Variants in SNX24 observed in about 807,000 individuals in gnomAD.
SNX24 encodes sorting nexin-24.
A neutral mutation model predicts 28.7 loss-of-function variants in SNX24; 22 were observed. The ratio of observed to expected loss-of-function variants is 0.77; its 90% CI spans 0.55 to 1.10. The LOEUF is 1.10. Among genes scored for constraint, SNX24 ranks in the 50% least tolerant of loss-of-function variants. SNX24 has a pLI of 0.00. For missense variants in SNX24, 221 were observed against 201.1 expected, an observed-to-expected ratio of 1.10 and a Z score of -0.60; for synonymous variants, 69 against 71.5, an observed-to-expected ratio of 0.96 and a Z score of 0.18.
chr5:122,973,564 A>G (rs958579662), intron 3 of SNX24, among the ~76,000 whole-genome samples: 2 of 152,198 alleles, frequency 1.3e-5, no homozygotes, highest in African/African-American at 4.8e-5. Context: ...AACCATGGGC[A>G]TTTGAGCCAC....
chr5:122,847,502 C>CTTTTTT lies in SNX24; in HGVS notation c.60+1815_60+1820dup, dbSNP rs1183386656. 3.7e-3 allele frequency among the ~76,000 whole-genome samples: 485 copies of CTTTTTT among 130,768 alleles called. 19 individuals are homozygous for CTTTTTT. The highest frequency in any genetic ancestry group is 0.012 in the African/African-American group (415 of 33,978). 85.8% of individuals were successfully genotyped at this position (130,768 alleles called of 152,430 possible). On this transcript the variant is annotated intron_variant, in intron 1 of 6. Coordinates refer to ENST00000261369, the MANE Select transcript of SNX24 (RefSeq NM_014035.4). Reference sequence around the variant, plus strand: ...CTAAACTGTTAAAATCTCTCTCTCTCTTTTTTTTTTTGAGACAGTCTTCCT... The same window carrying CTTTTTT: ...CTAAACTGTTAAAATCTCTCTCTCTCTTTTTTTTTTTTTTTTTGAGACAGTCTTCCT...
At chr5:122,900,307 CAT>C (rs1210680574) in intron 1 of SNX24, among the ~76,000 whole-genome samples, 4 of 152,078 alleles carry the variant, frequency 2.6e-5, no homozygotes, top group African/African-American at 9.7e-5. Context: ...TATCACCTCA[CAT>C]AGTTACAATT....
At chr5:122,930,010 A>G (rs1162453258) in intron 1 of SNX24, among the ~76,000 whole-genome samples, 7 of 152,298 alleles carry the variant, frequency 4.6e-5, no homozygotes, top group Admixed American at 4.6e-4. Context: ...GGAATTCTGC[A>G]TTAAAGCTCA....
At chr5:122,853,652 T>C (rs1561506080) in intron 1 of SNX24, 2 of 374,430 alleles carry the variant, frequency 5.3e-6, no homozygotes, top group Non-Finnish European at 1.1e-5. Context: ...TTTATGTATT[T>C]TAAAAAATTT....
chr5:123,023,307 T>C (rs1055425984), intron 5 of SNX24: 4 of 152,284 alleles, frequency 2.6e-5, no homozygotes, highest in African/African-American at 9.6e-5. Context: ...ATCTGTTCAC[T>C]GTTAATGCTA....
intron 1 of SNX24, among the ~76,000 whole-genome samples, chr5:122,873,471 G>T (rs1756076089): frequency 6.6e-6 from 1 of 152,100 alleles, no homozygotes; most frequent in Non-Finnish European, 1.5e-5. Flanking sequence ...TTGCATGCTG[G>T]GTCCTTGGTA....
intron 3 of SNX24, among the ~76,000 whole-genome samples, chr5:122,952,129 C>T (rs1759970430): frequency 6.6e-6 from 1 of 152,110 alleles, no homozygotes; most frequent in Non-Finnish European, 1.5e-5. Context: ...AGACTTGTGT[C>T]CCATTCCCAA....
At chr5:122,925,802 C>T (rs1221982697) in intron 1 of SNX24, among the ~76,000 whole-genome samples, 2 of 152,200 alleles carry the variant, frequency 1.3e-5, no homozygotes, top group Non-Finnish European at 2.9e-5. Context: ...TACCTGCTCA[C>T]CTTTTCTTCT....
chr5:122,912,706 T>A (rs1363703853), intron 1 of SNX24, among the ~76,000 whole-genome samples: 2 of 152,128 alleles, frequency 1.3e-5, no homozygotes, highest in African/African-American at 4.8e-5. Context: ...CAAAGGCCTT[T>A]TCTGCATCTA....
chr5:122,989,691 C>G (rs1047278183), intron 3 of SNX24, among the ~76,000 whole-genome samples: 3 of 152,192 alleles, frequency 2.0e-5, no homozygotes, highest in African/African-American at 7.2e-5. Context: ...AAGACTGGAT[C>G]TTGCATAGAT....
chr5:123,009,834 G>A (rs961626635), downstream of SNX24, among the ~76,000 whole-genome samples: 2 of 152,216 alleles, frequency 1.3e-5, no homozygotes, highest in African/African-American at 2.4e-5. Flanking sequence ...GCAACTTCTA[G>A]CACTGACCTG....
chr5:122,852,744 T>C (rs994456006), intron 1 of SNX24, among the ~76,000 whole-genome samples: 1 of 152,150 alleles, frequency 6.6e-6, no homozygotes, highest in African/African-American at 2.4e-5. Flanking sequence ...CAACACAGAA[T>C]TGCAGAGGAA....
chr5:122,924,300 C>G (rs1329179576), intron 1 of SNX24, among the ~76,000 whole-genome samples: 1 of 152,306 alleles, frequency 6.6e-6, no homozygotes, highest in East Asian at 1.9e-4. Flanking sequence ...TCTCCTGTGA[C>G]TTGGACCATT....
At chr5:122,913,207 C>T (rs1030309390) in intron 1 of SNX24, among the ~76,000 whole-genome samples, 22 of 152,256 alleles carry the variant, frequency 1.4e-4, no homozygotes, top group African/African-American at 3.4e-4. Flanking sequence ...TCATCATGGC[C>T]GGTTCTCAAT....
chr5:122,927,307 T>G (rs1758743738), intron 1 of SNX24, among the ~76,000 whole-genome samples: 1 of 152,234 alleles, frequency 6.6e-6, no homozygotes, highest in Non-Finnish European at 1.5e-5. Context: ...TCCTAACCGC[T>G]GCGTTATACT....
At chr5:122,904,962 C>T (rs553451905) in intron 1 of SNX24, among the ~76,000 whole-genome samples, 2 of 152,314 alleles carry the variant, frequency 1.3e-5, no homozygotes, top group South Asian at 4.1e-4. Context: ...CAGCTTCTAG[C>T]AGGCCTGGTG....
intron 2 of SNX24, among the ~76,000 whole-genome samples, chr5:122,938,362 C>T (rs1232076162): frequency 6.6e-6 from 1 of 152,166 alleles, no homozygotes; most frequent in Non-Finnish European, 1.5e-5. Context: ...GTTTCTGCAG[C>T]TCTATTAATA....
intron 1 of SNX24, among the ~76,000 whole-genome samples, chr5:122,861,491 G>A (rs1039968998): frequency 2.6e-5 from 4 of 152,202 alleles, no homozygotes; most frequent in African/African-American, 9.7e-5. Flanking sequence ...TGAATTTCAT[G>A]AGTACGGGAC....
chr5:122,958,490 G>T (rs995465828), intron 3 of SNX24, among the ~76,000 whole-genome samples: 7 of 151,928 alleles, frequency 4.6e-5, no homozygotes, highest in African/African-American at 1.7e-4. Flanking sequence ...TTGATCTCAG[G>T]TGATCCACCC....
Sources: gnomAD v4.1 joint callset for allele counts (sites outside exome capture counted in the v4.1 genomes callset) on GRCh38, gnomAD v4.1.1 for gene constraint, MANE v1.5 for transcripts, NCBI Gene and HGNC (gene_info 2026-07-23, HGNC 2026-07-21) for gene names.